The following NDUFV3 variants were observed in gnomAD, a reference collection of about 807,000 sequenced individuals.
NDUFV3 encodes NADH:ubiquinone oxidoreductase subunit V3.
NDUFV3 carries 44 observed loss-of-function variants against 37.5 expected under a neutral mutation model. The ratio of observed to expected loss-of-function variants is 1.17; its 90% confidence interval spans 0.92 to 1.51. The LOEUF is 1.51. NDUFV3 is among the 40% of genes most tolerant of loss of function. NDUFV3 has a pLI of 0.00. For synonymous variants in NDUFV3, 235 were observed against 239.3 expected (o/e 0.98, Z 0.17); for missense variants, 580 against 580.4 (o/e 1.00, Z 0.01).
In NDUFV3 at chr21:42,903,943, G is replaced by C. The variant is rs370696190; in HGVS notation, c.931G>C (p.Val311Leu). The C allele has an allele frequency of 1.2e-6, 2 of 1,613,286 alleles. No individual in the cohort carries two copies. Among genetic ancestry groups the C allele is most frequent in the African/African-American group, 2.7e-5 (2 of 74,934 alleles). Residue 311 changes from valine to leucine, a missense_variant, in exon 3 of 4, where the codon GTG becomes CTG. Transcript: ENST00000354250. ...APPKGSPAPA[V>L]LAEEARAEGQ... ...ACCGAAGGGCAGCCCAGCGCCTGCT[G>C]TGTTGGCAGAAGAGGCCAGAGCAGA...
chr21:42,893,914 A>C (rs1227389451), intron 1 of NDUFV3, among the ~76,000 whole-genome samples: 1 of 152,160 alleles, frequency 6.6e-6, no homozygotes, highest in Non-Finnish European at 1.5e-5. Context: ...GGCAAATAAA[A>C]AGCTAAGGCC....
intron 2 of NDUFV3, among the ~76,000 whole-genome samples, chr21:42,900,069 T>C (rs541923581): frequency 6.6e-6 from 1 of 152,288 alleles, no homozygotes; most frequent in African/African-American, 2.4e-5. Context: ...TATGGTAGCG[T>C]GCACCTGTGG....
chr21:42,902,337 T>A (rs1223940802), intron 2 of NDUFV3, among the ~76,000 whole-genome samples: 2 of 152,252 alleles, frequency 1.3e-5, no homozygotes, highest in Non-Finnish European at 2.9e-5. Context: ...AATGTAATGT[T>A]TAAATGCACC....
chr21:42,903,711 T>C lies in NDUFV3; in HGVS notation c.699T>C (p.Pro233=). The change falls in exon 3 of 4, where the codon CCT becomes CCC. Residue 233 remains proline (P), a synonymous_variant. Transcript: ENST00000354250. Reference sequence around the variant, plus strand: ...ACCAGCCAAAGAAGAAAGGGTCCCCTGCTAAGCCATCAGAAGGCAGGGAAA... The same window carrying C: ...ACCAGCCAAAGAAGAAAGGGTCCCCCGCTAAGCCATCAGAAGGCAGGGAAA... ...KPHQPKKKGS[P]AKPSEGRENA... The C allele has an allele frequency of 1.9e-6, 3 of 1,614,138 alleles. No homozygotes were observed. Among genetic ancestry groups the C allele is most frequent in the Middle Eastern group, 1.6e-4 (1 of 6,062 alleles).
At chr21:42,906,942 A>G (rs1409964977) in intron 3 of NDUFV3, 1 of 503,074 alleles carries the variant, frequency 2.0e-6, no homozygotes, top group Non-Finnish European at 3.9e-6. Context: ...TAAAAATGAA[A>G]AACAGAGCTT....
chr21:42,905,863 ATT>A (rs10583572), intron 3 of NDUFV3, among the ~76,000 whole-genome samples: 54,425 of 132,688 alleles, frequency 0.41, 10,560 homozygotes, highest in South Asian at 0.48. Context: ...TGATGTTACC[ATT>A]TTTTTTTTTT....
chr21:42,896,998 G>C lies in NDUFV3; in HGVS notation c.120G>C (p.Lys40Asn). Residue 40 changes from lysine to asparagine, a missense_variant, in exon 2 of 4, where the codon AAG becomes AAC. Lys to Asn is a moderately conservative substitution (Grantham distance 94, BLOSUM62 0). Transcript: ENST00000354250. ...TTTCTTTGTCTGCGGAATCAGGGAA[G>C]AGTGAAAAGGGTCAGCCACAGAATT... ...STVSLSAESG[K>N]SEKGQPQNSK... 1 of 1,614,116 alleles carries C rather than the reference G, an allele frequency of 6.2e-7. No homozygotes were observed. The highest frequency in any genetic ancestry group is 8.5e-7 in the Non-Finnish European group (1 of 1,180,028).
At chr21:42,894,495 A>AAATATATATATT (rs2058680945) in intron 1 of NDUFV3, among the ~76,000 whole-genome samples, 2 of 62,884 alleles carry the variant, frequency 3.2e-5, no homozygotes, top group African/African-American at 1.5e-4. Context: ...ATATTTATAT[A>AAATATATATATT]ATATATAATA....
chr21:42,905,030 C>T (rs1303805095), intron 3 of NDUFV3, among the ~76,000 whole-genome samples: 4 of 150,440 alleles, frequency 2.7e-5, no homozygotes, highest in Non-Finnish European at 5.9e-5. Flanking sequence ...ACCTCATGAT[C>T]AGCCTGCCTC....
At chr21:42,901,111 A>G (rs1018716335) in intron 2 of NDUFV3, among the ~76,000 whole-genome samples, 2 of 152,170 alleles carry the variant, frequency 1.3e-5, no homozygotes, top group African/African-American at 4.8e-5. Flanking sequence ...TAGAAATTTC[A>G]CGTAATTTCT....
Position 42,903,878 on chromosome 21 carries a change from G to A in NDUFV3, c.866G>A (p.Gly289Glu), listed in dbSNP as rs1221383039. The part of the protein sequence containing the change: ...KESQKPFEVK[G>E]PLPVHTKSGL... Reference sequence around the variant, plus strand: ...AGCCAAAAGCCATTTGAAGTTAAAGGACCCTTACCTGTCCACACAAAATCA... The same window carrying A: ...AGCCAAAAGCCATTTGAAGTTAAAGAACCCTTACCTGTCCACACAAAATCA... The change falls in exon 3 of 4, where the codon GGA becomes GAA. Residue 289 changes from glycine to glutamate, a missense_variant. By Grantham distance (98) the Gly-to-Glu change is moderately conservative. Coordinates refer to ENST00000354250, the MANE Select transcript of NDUFV3 (RefSeq NM_021075.4). 3 of 1,611,878 alleles carry A rather than the reference G, an allele frequency of 1.9e-6. No individual in the cohort carries two copies. The highest frequency in any genetic ancestry group is 1.7e-5 in the Admixed American group (1 of 59,450).
rs1317164991 is a variant in NDUFV3, at chr21:42,911,394, A to G, written c.*2373A>G. 6.6e-6 allele frequency: 1 copy of G among 151,732 alleles called. No homozygotes were observed. Among genetic ancestry groups the G allele is most frequent in the African/African-American group, 2.4e-5 (1 of 41,270 alleles). The allele number at this position is 151,732 out of a possible 1,614,324, so 9.4% of individuals were successfully genotyped here. A position where few individuals can be genotyped will look rare whatever the true frequency, so the allele number is the denominator to read the frequency against. ...AAAAGTGGTAAAACTACATTACCAA[A>G]AAGAAAATAGTAAACTTACCTAAAA... is the stretch of plus-strand genomic sequence containing the variant. On this transcript the variant is annotated 3_prime_UTR_variant, in exon 4 of 4. Coordinates refer to ENST00000354250, the MANE Select transcript of NDUFV3 (RefSeq NM_021075.4).
intron 3 of NDUFV3, chr21:42,906,692 C>T (rs897613471): frequency 9.6e-6 from 3 of 313,402 alleles, no homozygotes; most frequent in African/African-American, 4.3e-5. Flanking sequence ...AGAGCCGTGT[C>T]TGTATGGGGC....
intron 2 of NDUFV3, among the ~76,000 whole-genome samples, chr21:42,901,601 CAAAAA>C (rs575329197): frequency 8.1e-6 from 1 of 123,212 alleles, no homozygotes; most frequent in African/African-American, 3.0e-5. Flanking sequence ...GACTCCATCT[CAAAAA>C]AAAAAAAAAG....
intron 2 of NDUFV3, among the ~76,000 whole-genome samples, chr21:42,901,587 G>A (rs917901706): frequency 6.6e-6 from 1 of 150,492 alleles, no homozygotes; most frequent in East Asian, 2.0e-4. Context: ...GGGTGACTGA[G>A]CTAGACTCCA....
intron 1 of NDUFV3, among the ~76,000 whole-genome samples, chr21:42,895,346 G>A (rs927820224): frequency 1.3e-5 from 2 of 152,172 alleles, no homozygotes; most frequent in African/African-American, 4.8e-5. Flanking sequence ...GCCGGGCATG[G>A]TGATGCATGC....
At chr21:42,893,480 G>T in intron 1 of NDUFV3, 99 bp downstream of exon 1, 1 of 1,377,080 alleles carries the variant, frequency 7.3e-7, no homozygotes, top group Non-Finnish European at 9.9e-7. Flanking sequence ...GCCTGTCCGC[G>T]ACCTCTAGCC....
In NDUFV3 at chr21:42,903,604, G is replaced by A. The variant is rs1247539410; in HGVS notation, c.592G>A (p.Ala198Thr). 6 of 1,613,760 alleles carry A rather than the reference G, an allele frequency of 3.7e-6. No homozygotes were observed. The highest frequency in any genetic ancestry group is 3.3e-5 in the Admixed American group (2 of 59,970). ...PEASHSFENR[A>T]PRVTVSAKEK... ...GGCCTCTCATTCCTTTGAAAACAGA[G>A]CCCCCCGAGTTACAGTATCAGCAAA... is the stretch of plus-strand genomic sequence containing the variant. Residue 198 changes from alanine (A) to threonine (T), a missense_variant, in exon 3 of 4, where the codon GCC becomes ACC. By Grantham distance (58) the Ala-to-Thr change is moderately conservative (BLOSUM62 0). Coordinates refer to ENST00000354250, the MANE Select transcript of NDUFV3 (RefSeq NM_021075.4).
At chr21:42,893,891 G>C (rs2058669556) in intron 1 of NDUFV3, among the ~76,000 whole-genome samples, 1 of 152,192 alleles carries the variant, frequency 6.6e-6, no homozygotes, top group Non-Finnish European at 1.5e-5. Flanking sequence ...AGGAGAAGAA[G>C]GGCTTTCTTT....
Sources: allele counts gnomAD v4.1 joint callset (sites outside exome capture counted in the v4.1 genomes callset), GRCh38; gene constraint gnomAD v4.1.1; transcripts MANE v1.5; gene names NCBI Gene and HGNC (gene_info 2026-07-23, HGNC 2026-07-21).